CELF3: variants seen among roughly 807,000 people sequenced by gnomAD.
CELF3 encodes CUGBP Elav-like family member 3.
Under a neutral mutation model 59.6 loss-of-function variants are expected in CELF3, and 26 were observed. The observed-to-expected ratio is 0.44, with a 90% confidence interval of 0.32 to 0.61. The LOEUF is 0.61. Among genes scored for constraint, CELF3 ranks in the 20% least tolerant of loss-of-function variants. The pLI, the probability that CELF3 is intolerant of heterozygous loss-of-function variation, is 0.06. For synonymous variants in CELF3, 245 were observed against 250.7 expected, an observed-to-expected ratio of 0.98 and a Z score of 0.22; for missense variants, 387 against 627.2, an observed-to-expected ratio of 0.62 and a Z score of 4.09.
Position 151,705,826 on chromosome 1 carries a change from A to G in CELF3, c.1266T>C (p.Cys422=). The G allele has an allele frequency of 6.2e-7, 1 of 1,614,118 alleles. No homozygotes were observed. Among genetic ancestry groups the G allele is most frequent in the Non-Finnish European group, 8.5e-7 (1 of 1,180,014 alleles). The change falls in exon 11 of 13, where the codon TGT becomes TGC. Residue 422 remains cysteine, a synonymous_variant. Coordinates refer to ENST00000290583, the MANE Select transcript of CELF3 (RefSeq NM_007185.7). This position sits in a 1 kb window ranked among gnomAD's most constrained non-coding sequence, Gnocchi z 5.1. ...TGTGCCATATCATATTCTTACCAAA[A>G]CATTTGCTTTGATTGGTGGCTCGGT... ...FVDRATNQSK[C]FGFVSFDNPA... is the part of the protein sequence containing the mutation.
chr1:151,714,376 A>G (rs1673278514), intron 2 of CELF3: 1 of 625,590 alleles, frequency 1.6e-6, no homozygotes. Context: ...GCTCCTGGTA[A>G]AAGTCATGTT....
At chr1:151,712,502 G>T (rs1673109525) in intron 2 of CELF3, among the ~76,000 whole-genome samples, 1 of 152,208 alleles carries the variant, frequency 6.6e-6, no homozygotes, top group Non-Finnish European at 1.5e-5. Flanking sequence ...GACAGGGAAG[G>T]CCCATGTCCC....
rs542632265 is a variant in CELF3, at chr1:151,709,570, T to C, written c.277+173A>G. ...CCCTGGGCCTCAGTTTTGCCATCTG[T>C]ACCCGCCCCAGATCTCACCCGCTCT... On this transcript the variant is annotated intron_variant, in intron 3 of 12. Transcript: ENST00000290583. The surrounding 1 kb of genome is among the most constrained non-coding windows in gnomAD (Gnocchi z 4.9). 7.1e-4 allele frequency: 647 copies of C among 915,172 alleles called. 1 individual carries two copies. Among genetic ancestry groups the C allele is most frequent in the South Asian group, 1.3e-3 (87 of 66,256 alleles). 56.7% of individuals were successfully genotyped at this position (915,172 alleles called of 1,614,324 possible).
intron 2 of CELF3, chr1:151,714,366 G>A (rs1296655405): frequency 1.8e-5 from 11 of 619,910 alleles, no homozygotes; most frequent in African/African-American, 5.5e-5. Context: ...GGCTGCATCT[G>A]CTCCTGGTAA....
In CELF3 at chr1:151,714,389, C is replaced by T. The variant is rs555158268; in HGVS notation, c.228+205G>A. On this transcript the variant is annotated intron_variant, in intron 2 of 12. Coordinates refer to ENST00000290583, the MANE Select transcript of CELF3 (RefSeq NM_007185.7). ...CTGCTCCTGGTAAAAGTCATGTTTA[C>T]GCCACTAATCGCTGCTTTCCTTCTC... is the stretch of plus-strand genomic sequence containing the variant. 40 of 635,442 alleles carry T rather than the reference C, an allele frequency of 6.3e-5. 1 individual carries two copies. Among genetic ancestry groups the T allele is most frequent in the South Asian group, 3.4e-4 (19 of 55,560 alleles). 39.4% of individuals were successfully genotyped at this position (635,442 alleles called of 1,614,324 possible).
intron 12 of CELF3, among the ~76,000 whole-genome samples, chr1:151,704,201 C>G (rs1038154981): frequency 1.2e-4 from 18 of 151,578 alleles, no homozygotes; most frequent in African/African-American, 3.6e-4. Context: ...GCTGGGGGGG[C>G]CCCCAGGGTT....
chr1:151,707,203 C>T lies in CELF3; in HGVS notation c.864G>A (p.Gln288=). The change falls in exon 8 of 13, where the codon CAG becomes CAA. Residue 288 remains glutamine, a synonymous_variant. Transcript: ENST00000290583. The part of the protein sequence containing the change: ...GVNGYSPVPT[Q]PTGQPAPDAL... Reference sequence around the variant, plus strand: ...CATCAGGGGCAGGCTGCCCAGTGGGCTGGGTGGGCACCGGGCTGTAGCCGT... The same window carrying T: ...CATCAGGGGCAGGCTGCCCAGTGGGTTGGGTGGGCACCGGGCTGTAGCCGT... 2.6e-6 allele frequency: 4 copies of T among 1,536,734 alleles called. No individual in the cohort carries two copies. The highest frequency in any genetic ancestry group is 1.4e-5 in the African/African-American group (1 of 71,798).
intron 8 of CELF3, 86 bp from the exon 9 acceptor site, chr1:151,706,820 A>G (rs1299850653): frequency 9.2e-7 from 1 of 1,091,806 alleles, no homozygotes; most frequent in Non-Finnish European, 1.3e-6. Context: ...GGCCGAGGCC[A>G]GGCAGGTGGG....
At position 151,709,549 on chromosome 1, in the gene CELF3, G is replaced by T. The variant is rs1224705159; in HGVS notation, c.277+194C>A. 1.1e-6 allele frequency: 1 copy of T among 920,878 alleles called. No homozygotes were observed. 57.0% of individuals were successfully genotyped at this position (920,878 alleles called of 1,614,324 possible). On this transcript the variant is annotated intron_variant, in intron 3 of 12. Transcript: ENST00000290583. This position sits in a 1 kb window ranked among gnomAD's most constrained non-coding sequence, Gnocchi z 4.9. ...CTCTGAGGGACTCGCACTCCACCCT[G>T]GGCCTCAGTTTTGCCATCTGTACCC... is the stretch of plus-strand genomic sequence containing the variant.
In CELF3 at chr1:151,702,208, A is replaced by G. The variant is rs1156383166; in HGVS notation, c.*1251T>C. Among the ~76,000 whole-genome samples the G allele has an allele frequency of 6.6e-6, 1 of 152,230 alleles. No individual in the cohort carries two copies. Among genetic ancestry groups the G allele is most frequent in the Non-Finnish European group, 1.5e-5 (1 of 68,044 alleles). ...TGTGCCGAACTCTGCAGGACATTCC[A>G]GAATTAAGCCCCAAAGAAGGGCTGA... On this transcript the variant is annotated 3_prime_UTR_variant, in exon 13 of 13. Coordinates refer to ENST00000290583, the MANE Select transcript of CELF3 (RefSeq NM_007185.7).
Position 151,716,123 on chromosome 1 carries a change from T to C in CELF3, c.-103A>G, listed in dbSNP as rs2101492961. 1 of 1,260,030 alleles carries C rather than the reference T, an allele frequency of 7.9e-7. No individual in the cohort carries two copies. Among genetic ancestry groups the C allele is most frequent in the Non-Finnish European group, 1.1e-6 (1 of 929,748 alleles). 78.1% of individuals were successfully genotyped at this position (1,260,030 alleles called of 1,614,324 possible). A position where few individuals can be genotyped will look rare whatever the true frequency, so the allele number is the denominator to read the frequency against. ...AAGTGGTGGGGCCCGGGGGCCCAGC[T>C]GGGGCTGGCTTTCCCTTTGGCCCCC... On this transcript the variant is annotated 5_prime_UTR_variant, in exon 1 of 13. Coordinates refer to ENST00000290583, the MANE Select transcript of CELF3 (RefSeq NM_007185.7).
At chr1:151,713,653 G>C (rs1445831251) in intron 2 of CELF3, 1 of 152,274 alleles carries the variant, frequency 6.6e-6, no homozygotes, top group Non-Finnish European at 1.5e-5. Context: ...TCACATGCCT[G>C]TGTGCACAAA....
intron 1 of CELF3, 41 bp downstream of exon 1, chr1:151,715,835 C>A (rs368608629): frequency 7.5e-6 from 12 of 1,599,098 alleles, no homozygotes; most frequent in Non-Finnish European, 1.0e-5. Flanking sequence ...CCCAGCCTCC[C>A]AGCCCACCCC....
intron 2 of CELF3, among the ~76,000 whole-genome samples, chr1:151,714,116 G>A (rs759682221): frequency 2.6e-5 from 4 of 152,058 alleles, no homozygotes; most frequent in Non-Finnish European, 5.9e-5. Context: ...GAAGGGAGAT[G>A]AGAGCTCAAG....
At chr1:151,715,221 G>C (rs985777904) in intron 1 of CELF3, among the ~76,000 whole-genome samples, 1 of 151,952 alleles carries the variant, frequency 6.6e-6, no homozygotes, top group Non-Finnish European at 1.5e-5. Flanking sequence ...TGGGATCCCC[G>C]GTGTGTGGAG....
chr1:151,709,939 T>G lies in CELF3; in HGVS notation c.229-148A>C. On this transcript the variant is annotated intron_variant, in intron 2 of 12. Transcript: ENST00000290583. The surrounding 1 kb of genome is among the most constrained non-coding windows in gnomAD (Gnocchi z 4.9). The stretch of plus-strand genomic sequence containing the variant: ...AAGGAAGGGACAGGGCCTAATACTG[T>G]TCAGGATGAAGGCCTGAGGGGATCA... 2.6e-6 allele frequency: 2 copies of G among 766,498 alleles called. No individual in the cohort carries two copies. Among genetic ancestry groups the G allele is most frequent in the East Asian group, 5.0e-5 (2 of 40,200 alleles). 47.5% of individuals were successfully genotyped at this position (766,498 alleles called of 1,614,324 possible). A position where few individuals can be genotyped will look rare whatever the true frequency, so the allele number is the denominator to read the frequency against.
chr1:151,716,097 T>C lies in CELF3; in HGVS notation c.-77A>G. ...CAAGGGGAGCTGCCCAGCAAGGAGA[T>C]AAGTGGTGGGGCCCGGGGGCCCAGC... On this transcript the variant is annotated 5_prime_UTR_variant, in exon 1 of 13. Transcript: ENST00000290583. The C allele has an allele frequency of 6.8e-7, 1 of 1,467,184 alleles. No individual in the cohort carries two copies. Among genetic ancestry groups the C allele is most frequent in the Non-Finnish European group, 9.1e-7 (1 of 1,098,476 alleles). The allele number at this position is 1,467,184 out of a possible 1,614,324, so 90.9% of individuals were successfully genotyped here.
chr1:151,714,762 G>T, intron 1 of CELF3, 86 bp from the exon 2 acceptor site: 2 of 959,514 alleles, frequency 2.1e-6, no homozygotes, highest in South Asian at 1.5e-5. Flanking sequence ...AAAGACTGAC[G>T]ACTGGGAAGC....
rs376864045 is a variant in CELF3 at position 151,703,393 on chromosome 1, C to T, written c.*66G>A. Reference sequence around the variant, plus strand: ...CCCAGGGCAGGTGTGCGGAGAGGGCCGGGGCCAGTCGTGGGAAGAGGGTGT... The same window carrying T: ...CCCAGGGCAGGTGTGCGGAGAGGGCTGGGGCCAGTCGTGGGAAGAGGGTGT... On this transcript the variant is annotated 3_prime_UTR_variant, in exon 13 of 13. Transcript: ENST00000290583. 2.0e-5 allele frequency: 8 copies of T among 395,642 alleles called. No homozygotes were observed. Among genetic ancestry groups the T allele is most frequent in the East Asian group, 7.2e-5 (1 of 13,850 alleles). 24.5% of individuals were successfully genotyped at this position (395,642 alleles called of 1,614,324 possible).
Sources: gnomAD v4.1 joint callset for allele counts (sites outside exome capture counted in the v4.1 genomes callset) on GRCh38, gnomAD v4.1.1 for gene constraint, Gnocchi (gnomAD v3.1) non-coding constraint, MANE v1.5 for transcripts, NCBI Gene and HGNC (gene_info 2026-07-23, HGNC 2026-07-21) for gene names.